The following RYR3 variants were observed in gnomAD, a reference collection of about 807,000 sequenced individuals.
RYR3 encodes the protein brain ryanodine receptor-calcium release channel.
RYR3 carries 207 observed loss-of-function variants against 584.3 expected under a neutral mutation model. The observed-to-expected ratio is 0.35, with a 90% CI of 0.32 to 0.40. The LOEUF is 0.40. RYR3 is among the 10% of genes least tolerant of loss of function. The pLI is 1.00. For synonymous variants in RYR3, 2,416 were observed against 2,248.5 expected (o/e 1.07, Z -2.11); for missense variants, 5,616 against 6,089.2 (o/e 0.92, Z 2.59).
chr15:33,387,018 C>T (rs923991530), intron 1 of RYR3, among the ~76,000 whole-genome samples: 10 of 152,076 alleles, frequency 6.6e-5, no homozygotes, highest in African/African-American at 1.2e-4. Context: ...CCACCACGCC[C>T]GGCTAATTTT....
At chr15:33,797,185 T>C (rs780892944) in intron 67 of RYR3, among the ~76,000 whole-genome samples, 11 of 152,170 alleles carry the variant, frequency 7.2e-5, no homozygotes, top group Non-Finnish European at 1.5e-4. Flanking sequence ...CTCCTCCATA[T>C]GGCAGAATCT....
intron 52 of RYR3, among the ~76,000 whole-genome samples, chr15:33,743,261 A>AAG (rs2070348198): frequency 6.6e-6 from 1 of 152,002 alleles, no homozygotes; most frequent in Non-Finnish European, 1.5e-5. Context: ...GTCTACTGGG[A>AAG]GCTGATGATA....
chr15:33,477,327 C>A (rs1356755238), intron 2 of RYR3, among the ~76,000 whole-genome samples: 1 of 151,928 alleles, frequency 6.6e-6, no homozygotes, highest in Non-Finnish European at 1.5e-5. Flanking sequence ...AAAAGGAGAT[C>A]ATATGGAAGC....
At chr15:33,855,364 C>T (rs1395511909) in intron 98 of RYR3, among the ~76,000 whole-genome samples, 15 of 152,104 alleles carry the variant, frequency 9.9e-5, no homozygotes, top group South Asian at 8.3e-4. Flanking sequence ...CCACCATGCC[C>T]GGCTAATTTT....
chr15:33,765,214 A>G (rs921274931), intron 60 of RYR3, among the ~76,000 whole-genome samples: 1 of 152,084 alleles, frequency 6.6e-6, no homozygotes, highest in Non-Finnish European at 1.5e-5. Flanking sequence ...ATGAGAAAAG[A>G]GGGGATAGGT....
rs767178703 is a variant in RYR3 at position 33,584,378 on chromosome 15, C to T, written c.1574-17C>T. On this transcript the variant is annotated splice_polypyrimidine_tract_variant and intron_variant, in intron 14 of 103. Transcript: ENST00000634891. ...ATATCCTTTAACCTCTATGATCAAA[C>T]ATCTCCTTGTTTGCAGCTGCTCTCA... 3.4e-6 allele frequency: 5 copies of T among 1,472,144 alleles called. No individual in the cohort carries two copies. Among genetic ancestry groups the T allele is most frequent in the Non-Finnish European group, 4.7e-6 (5 of 1,056,232 alleles). 91.2% of individuals were successfully genotyped at this position (1,472,144 alleles called of 1,614,324 possible).
chr15:33,398,231 T>A lies in RYR3; in HGVS notation c.52-75188T>A, dbSNP rs116166159. ...TTTTTTCAGAGTTGCAAAGATCGTG[T>A]AAGGTCAATGGTCAAAGCAAAGTTG... On this transcript the variant is annotated intron_variant, in intron 1 of 103. Coordinates refer to ENST00000634891, the MANE Select transcript of RYR3 (RefSeq NM_001036.6). Among the ~76,000 whole-genome samples the A allele has an allele frequency of 6.0e-3, 908 of 152,308 alleles. 7 individuals carry two copies. The highest frequency in any genetic ancestry group is 0.02 in the African/African-American group (843 of 41,572).
intron 3 of RYR3, among the ~76,000 whole-genome samples, chr15:33,510,710 T>G (rs1422674796): frequency 2.0e-5 from 3 of 151,542 alleles, no homozygotes; most frequent in Non-Finnish European, 4.4e-5. Context: ...ATCATTTTGA[T>G]AAATTAAATA....
intron 75 of RYR3, 32 bp from the exon 76 acceptor site, chr15:33,818,546 T>C: frequency 6.5e-7 from 1 of 1,530,652 alleles, no homozygotes. Context: ...ATTAAATTCA[T>C]GCCTAAAACC....
At chr15:33,334,824 A>G (rs1225066696) in intron 1 of RYR3, among the ~76,000 whole-genome samples, 1 of 152,100 alleles carries the variant, frequency 6.6e-6, no homozygotes, top group East Asian at 1.9e-4. Flanking sequence ...ACTTAAACAA[A>G]TTGACAAGAA....
intron 1 of RYR3, among the ~76,000 whole-genome samples, chr15:33,402,483 C>G (rs932081825): frequency 4.5e-4 from 68 of 152,340 alleles, no homozygotes; most frequent in African/African-American, 1.6e-3. Flanking sequence ...TTGTTTCTGT[C>G]ACACTTCTCA....
At chr15:33,855,880 A>G (rs148400946) in intron 98 of RYR3, 216 of 152,318 alleles carry the variant, frequency 1.4e-3, no homozygotes, top group African/African-American at 4.9e-3. Flanking sequence ...CTCCTTGTAT[A>G]CAGATTCAAA....
At chr15:33,740,747 A>G (rs1596378997) in intron 51 of RYR3, among the ~76,000 whole-genome samples, 2 of 152,368 alleles carry the variant, frequency 1.3e-5, no homozygotes, top group South Asian at 4.1e-4. Context: ...CTGAGCCTAT[A>G]TGAGCCCCTT....
Position 33,662,197 on chromosome 15 carries a change from G to A in RYR3, c.4667G>A (p.Arg1556Gln), listed in dbSNP as rs944509543. 1.2e-5 allele frequency: 20 copies of A among 1,607,064 alleles called. No homozygotes were observed. The East Asian group carries it at 1.6e-4, about 13-fold the overall frequency. ...CTCTGTGAGCAGGAGGACCTGATGCGGTTCCATTACCACACGCTGAGGCTC... is the reference window on the plus strand; with the variant it reads ...CTCTGTGAGCAGGAGGACCTGATGCAGTTCCATTACCACACGCTGAGGCTC... ...LELCEQEDLMRFHYHTLRLYS... is the reference protein window; with the variant it reads ...LELCEQEDLMQFHYHTLRLYS... The change falls in exon 35 of 104, where the codon CGG becomes CAG. Residue 1556 changes from arginine (R) to glutamine (Q), a missense_variant. Coordinates refer to ENST00000634891, the MANE Select transcript of RYR3 (RefSeq NM_001036.6).
chr15:33,436,667 AT>A (rs34244710), intron 1 of RYR3, among the ~76,000 whole-genome samples: 33,710 of 149,084 alleles, frequency 0.23, 5,282 homozygotes, highest in African/African-American at 0.45. Flanking sequence ...CGCCAGGCTA[AT>A]TTTTTTTTTG....
intron 20 of RYR3, among the ~76,000 whole-genome samples, chr15:33,624,771 A>T (rs925098455): frequency 6.6e-6 from 1 of 152,250 alleles, no homozygotes; most frequent in African/African-American, 2.4e-5. Context: ...TTTTCTACAC[A>T]GCAGGGCTAT....
chr15:33,853,009 G>T, intron 94 of RYR3, 36 bp from the exon 95 acceptor site: 2 of 1,578,430 alleles, frequency 1.3e-6, no homozygotes, highest in South Asian at 2.3e-5. Context: ...TTGATGTTAA[G>T]AATGAAGAAC....
At chr15:33,723,908 AC>A (rs2068137769) in intron 44 of RYR3, among the ~76,000 whole-genome samples, 156 bp from the exon 45 acceptor site, 1 of 152,216 alleles carries the variant, frequency 6.6e-6, no homozygotes, top group Admixed American at 6.5e-5. Flanking sequence ...AATGAATGAA[AC>A]CACTTTGTCA....
At chr15:33,698,418 C>G (rs957958935) in intron 40 of RYR3, among the ~76,000 whole-genome samples, 1 of 152,098 alleles carries the variant, frequency 6.6e-6, no homozygotes, top group Admixed American at 6.5e-5. Flanking sequence ...CTCTGTCAAC[C>G]GAACTCCTGA....
Sources: gnomAD v4.1 joint callset for allele counts (sites outside exome capture counted in the v4.1 genomes callset) on GRCh38, gnomAD v4.1.1 for gene constraint, MANE v1.5 for transcripts, NCBI Gene and HGNC (gene_info 2026-07-23, HGNC 2026-07-21) for gene names.